The following DNAI3 variants were observed in gnomAD, a reference collection of about 807,000 sequenced individuals.
The protein encoded by DNAI3 is dynein axonemal intermediate chain 3, also known as WD repeat domain 63.
Under a neutral mutation model 115.5 loss-of-function variants are expected in DNAI3, and 83 were observed. That is an observed-to-expected ratio of 0.72 (90% CI 0.60 to 0.86). The LOEUF (loss-of-function observed/expected upper bound fraction) is 0.86, where lower values mean the gene tolerates loss of function less well. Ranked by LOEUF, DNAI3 falls within the 40% of genes least tolerant of loss-of-function variation. The probability of loss-of-function intolerance (pLI) is 0.00; values close to 1 mark genes in which losing one functional copy is unlikely to be tolerated. For synonymous variants in DNAI3, 320 were observed against 347.0 expected, an observed-to-expected ratio of 0.92 and a Z score of 0.86; for missense variants, 1,004 against 1,075.8, an observed-to-expected ratio of 0.93 and a Z score of 0.93.
rs1267274694 is a variant in DNAI3, at chr1:85,117,825, A to G, written c.1883A>G (p.Asp628Gly). 4 of 1,613,714 alleles carry G rather than the reference A, an allele frequency of 2.5e-6. No homozygotes were observed. Among genetic ancestry groups the G allele is most frequent in the African/African-American group, 2.7e-5 (2 of 74,932 alleles). ...ATGGCCAATCTTCTCAAGCCAATAG[A>G]TGACTTCTGCACAAAGTTCTTTGTG... Reference protein sequence around the residue: ...SGMANLLKPIDDFCTKFFVGT... With the variant: ...SGMANLLKPIGDFCTKFFVGT... The change falls in exon 17 of 23, where the codon GAT becomes GGT. Residue 628 changes from aspartate (D) to glycine (G), a missense_variant. Physicochemically the swap from Asp to Gly is moderately conservative, Grantham distance 94. This residue lies in a region of DNAI3 where 429 missense variants were observed against 454.3 expected (regional missense o/e 0.94). Transcript: ENST00000294664.
At chr1:85,070,090 G>T (rs866553669) in intron 1 of DNAI3, among the ~76,000 whole-genome samples, 1 of 151,924 alleles carries the variant, frequency 6.6e-6, no homozygotes, top group African/African-American at 2.4e-5. Flanking sequence ...GTGAAGCCCC[G>T]TCTCTACTAA....
intron 17 of DNAI3, among the ~76,000 whole-genome samples, chr1:85,119,926 C>T (rs6657302): frequency 0.093 from 14,129 of 152,222 alleles, 845 homozygotes; most frequent in African/African-American, 0.18. Flanking sequence ...TCTTGAACTC[C>T]TGACCTCAGG....
At chr1:85,072,661 T>A (rs866719206) in intron 2 of DNAI3, among the ~76,000 whole-genome samples, 216 of 128,128 alleles carry the variant, frequency 1.7e-3, no homozygotes, top group Middle Eastern at 4.1e-3. Flanking sequence ...AAAAGAAAAA[T>A]AAAAAAAAGA....
chr1:85,128,558 G>T, intron 20 of DNAI3, 150 bp from the exon 21 acceptor site: 1 of 633,620 alleles, frequency 1.6e-6, no homozygotes. Flanking sequence ...ACATGGTCCA[G>T]CCATGAACAT....
At chr1:85,074,000 G>A (rs1414213284) in intron 3 of DNAI3, among the ~76,000 whole-genome samples, 2 of 152,154 alleles carry the variant, frequency 1.3e-5, no homozygotes, top group Admixed American at 1.3e-4. Context: ...GCCTGCAGCA[G>A]GATATGCTGC....
intron 6 of DNAI3, 48 bp from the exon 7 acceptor site, chr1:85,085,783 A>AAAT: frequency 1.3e-6 from 1 of 764,218 alleles, no homozygotes; most frequent in Non-Finnish European, 1.9e-6. Flanking sequence ...CATTGCCTAC[A>AAAT]CATCAGGGAC....
At chr1:85,098,470 T>A in intron 12 of DNAI3, 60 bp from the exon 13 acceptor site, 1 of 1,581,112 alleles carries the variant, frequency 6.3e-7, no homozygotes, top group Non-Finnish European at 8.6e-7. Flanking sequence ...ATGAGTAAAG[T>A]ATGAGTTCAT....
At chr1:85,102,272 G>T (rs533738618) in intron 13 of DNAI3, among the ~76,000 whole-genome samples, 1 of 152,034 alleles carries the variant, frequency 6.6e-6, no homozygotes, top group East Asian at 1.9e-4. Context: ...CAAATACCCT[G>T]ATTTCATCTT....
intron 13 of DNAI3, among the ~76,000 whole-genome samples, chr1:85,102,551 T>A (rs1002633155): frequency 1.3e-5 from 2 of 152,330 alleles, no homozygotes; most frequent in Non-Finnish European, 2.9e-5. Context: ...ATTTATTTAA[T>A]TTTTAAATGA....
intron 5 of DNAI3, among the ~76,000 whole-genome samples, chr1:85,083,860 A>G (rs1402644777): frequency 1.3e-5 from 2 of 151,970 alleles, no homozygotes; most frequent in Non-Finnish European, 1.5e-5. Context: ...TTTACACTTT[A>G]CCATATATTT....
chr1:85,064,409 T>C (rs1406794981), intron 1 of DNAI3, among the ~76,000 whole-genome samples: 1 of 152,204 alleles, frequency 6.6e-6, no homozygotes, highest in African/African-American at 2.4e-5. Context: ...ATTGTAGGAA[T>C]AGTTGTCTCT....
intron 11 of DNAI3, 114 bp downstream of exon 11, chr1:85,096,134 C>A: frequency 1.1e-6 from 1 of 915,992 alleles, no homozygotes; most frequent in Non-Finnish European, 1.7e-6. Flanking sequence ...GGAAGGCATG[C>A]CAATTGTGTG....
At chr1:85,075,016 G>A (rs1654407718) in intron 3 of DNAI3, among the ~76,000 whole-genome samples, 1 of 152,110 alleles carries the variant, frequency 6.6e-6, no homozygotes, top group Non-Finnish European at 1.5e-5. Flanking sequence ...CTCCCAGATA[G>A]CACTTATCAC....
Position 85,097,631 on chromosome 1 carries a change from T to G in DNAI3, c.1326T>G (p.Ser442Arg). 1 of 1,612,490 alleles carries G rather than the reference T, an allele frequency of 6.2e-7. No individual in the cohort carries two copies. Among genetic ancestry groups the G allele is most frequent in the Non-Finnish European group, 8.5e-7 (1 of 1,179,344 alleles). The change falls in exon 12 of 23, where the codon AGT (serine) becomes AGG (arginine). Residue 442 changes from serine (S) to arginine (R), a missense_variant. By Grantham distance (110) the Ser-to-Arg change is moderately radical. Coordinates refer to ENST00000294664, the MANE Select transcript of DNAI3 (RefSeq NM_145172.5). ...TAGAAAACATTAAGGCAGGTGGTAG[T>G]AGAAGTAAAAGAGCCACACTGAAGG... ...DRIENIKAGG[S>R]RSKRATLKPM...
intron 13 of DNAI3, among the ~76,000 whole-genome samples, chr1:85,101,065 A>G (rs1655292918): frequency 6.6e-6 from 1 of 152,080 alleles, no homozygotes; most frequent in Admixed American, 6.5e-5. Context: ...TGGCACATGT[A>G]TACATATGTA....
Position 85,093,636 on chromosome 1 carries a change from C to T in DNAI3, c.1036C>T (p.Pro346Ser). ...AATGATTACCTGTGTCTCATGGCAT[C>T]CAACTATCTATGGTGAGATGGAAAT... is the stretch of plus-strand genomic sequence containing the variant. ...EKMITCVSWH[P>S]TIYGLIAVSV... The change falls in exon 9 of 23, where the codon CCA (proline) becomes TCA (serine). Residue 346 changes from proline to serine, a missense_variant. By Grantham distance (74) the Pro-to-Ser change is moderately conservative. This residue lies in a region of DNAI3 where 550 missense variants were observed against 568.1 expected (regional missense o/e 0.97). Transcript: ENST00000294664. 1.2e-6 allele frequency: 2 copies of T among 1,613,998 alleles called. No individual in the cohort carries two copies. Among genetic ancestry groups the T allele is most frequent in the South Asian group, 2.2e-5 (2 of 91,076 alleles).
Position 85,108,076 on chromosome 1 carries a change from C to G in DNAI3, c.1597C>G (p.Pro533Ala). ...TATTAGACCACAGAAACCTTTAACC[C>G]CCCAAACAACAGAGAAAAAGAAGGA... ...WDIRPQKPLTPQTTEKKKEES... is the reference protein window; with the variant it reads ...WDIRPQKPLTAQTTEKKKEES... The change falls in exon 15 of 23, where the codon CCC becomes GCC. Residue 533 changes from proline (P) to alanine (A), a missense_variant. Physicochemically the swap from Pro to Ala is conservative, Grantham distance 27. This residue lies in a region of DNAI3 where 429 missense variants were observed against 454.3 expected (regional missense o/e 0.94). Coordinates refer to ENST00000294664, the MANE Select transcript of DNAI3 (RefSeq NM_145172.5). 1.2e-6 allele frequency: 2 copies of G among 1,608,544 alleles called. No individual in the cohort carries two copies. The highest frequency in any genetic ancestry group is 1.7e-6 in the Non-Finnish European group (2 of 1,177,802).
chr1:85,081,930 C>T (rs1055030457), intron 4 of DNAI3, among the ~76,000 whole-genome samples: 8 of 152,230 alleles, frequency 5.3e-5, no homozygotes, highest in East Asian at 1.9e-4. Flanking sequence ...CATCAGCCAC[C>T]GTGCTCCGCC....
At chr1:85,109,930 A>G (rs1000050456) in intron 15 of DNAI3, 118 bp from the exon 16 acceptor site, 45 of 878,996 alleles carry the variant, frequency 5.1e-5, no homozygotes, top group Non-Finnish European at 7.3e-5. Context: ...GGGAAGGAAG[A>G]AAAAAAAGGA....
Sources: gnomAD v4.1 joint callset for allele counts (sites outside exome capture counted in the v4.1 genomes callset) on GRCh38, gnomAD v4.1.1 for gene constraint, gnomAD v4.1.1 regional missense constraint, MANE v1.5 for transcripts, NCBI Gene and HGNC (gene_info 2026-07-23, HGNC 2026-07-21) for gene names.